The following IVNS1ABP variants were observed in gnomAD, a reference collection of about 807,000 sequenced individuals.
IVNS1ABP encodes influenza virus NS1A-binding protein.
IVNS1ABP carries 25 observed loss-of-function variants against 78.9 expected under a neutral mutation model. That is an observed-to-expected ratio of 0.32 (90% CI 0.23 to 0.44). The LOEUF (loss-of-function observed/expected upper bound fraction) is 0.44. Among genes scored for constraint, IVNS1ABP ranks in the 20% least tolerant of loss-of-function variants. The pLI is 1.00. For synonymous variants in IVNS1ABP, 241 were observed against 259.7 expected (o/e 0.93, Z 0.69); for missense variants, 494 against 768.9 (o/e 0.64, Z 4.23).
At position 185,309,505 on chromosome 1, in the gene IVNS1ABP, A is replaced by C. The variant is rs1477267250; in HGVS notation, c.-12T>G. The C allele has an allele frequency of 2.0e-6, 3 of 1,519,606 alleles. No homozygotes were observed. In the African/African-American group the frequency reaches 4.1e-5, roughly 21 times the overall value. 94.1% of individuals were successfully genotyped at this position (1,519,606 alleles called of 1,614,324 possible). On this transcript the variant is annotated 5_prime_UTR_variant, in exon 3 of 15. In the 5' UTR this introduces an upstream ATG that the reference lacks. Coordinates refer to ENST00000367498, the MANE Select transcript of IVNS1ABP (RefSeq NM_006469.5). ...CCATTGGGAATCATTTTTCCTTATA[A>C]ATTTGGCTAGATGATGAAAAGAAAG...
intron 1 of IVNS1ABP, among the ~76,000 whole-genome samples, chr1:185,316,082 C>G (rs1270132934): frequency 6.6e-6 from 1 of 152,210 alleles, no homozygotes; most frequent in African/African-American, 2.4e-5. Context: ...ACCTTCCTAT[C>G]ATCAAGAGCT....
At chr1:185,309,357 T>C (rs745791478) in intron 3 of IVNS1ABP, 26 bp downstream of exon 3, 17 of 1,462,010 alleles carry the variant, frequency 1.2e-5, no homozygotes, top group Non-Finnish European at 1.5e-5. Flanking sequence ...AAAAATTCTA[T>C]AAATTTTGAA....
rs746873447 is a variant in IVNS1ABP at position 185,308,006 on chromosome 1, G to GTAGA, written c.358-348_358-345dup. 3.7e-5 allele frequency: 58 copies of GTAGA among 1,549,712 alleles called. No individual in the cohort carries two copies. The African/African-American group carries it at 7.5e-4, about 20-fold the overall frequency. On this transcript the variant is annotated intron_variant, in intron 5 of 14. Coordinates refer to ENST00000367498, the MANE Select transcript of IVNS1ABP (RefSeq NM_006469.5). ...ATGTTGATGTTGAATGCAGACAGAA[G>GTAGA]TAGAGAAGATGCTGCAAACAATTTA...
At chr1:185,307,960 C>A (rs1190666511) in intron 5 of IVNS1ABP, 1 of 1,548,374 alleles carries the variant, frequency 6.5e-7, no homozygotes, top group Non-Finnish European at 8.7e-7. Flanking sequence ...AGTATCTGAA[C>A]TGGGCTCTAC....
intron 1 of IVNS1ABP, among the ~76,000 whole-genome samples, chr1:185,316,429 C>G (rs981986473): frequency 6.6e-6 from 1 of 152,212 alleles, no homozygotes; most frequent in African/African-American, 2.4e-5. Context: ...CCGTGCCACC[C>G]TACTCCAGGC....
At chr1:185,301,626 C>T (rs1665602719) in intron 8 of IVNS1ABP, 63 bp from the exon 9 acceptor site, 2 of 1,584,748 alleles carry the variant, frequency 1.3e-6, no homozygotes, top group South Asian at 2.2e-5. Context: ...TACCTTTGTT[C>T]CTGAGCTATT....
chr1:185,308,881 T>TA lies in IVNS1ABP; in HGVS notation c.282-7dup, dbSNP rs748447429. The TA allele has an allele frequency of 1.5e-4, 241 of 1,591,448 alleles. No homozygotes were observed. The African/African-American group carries it at 2.1e-3, about 14-fold the overall frequency. ...ATTCCTTATCTGCTTTCAACCTATTTAAAAAAAAAGTTACTTATGATACCA... is the reference window on the plus strand; with the variant it reads ...ATTCCTTATCTGCTTTCAACCTATTTAAAAAAAAAAGTTACTTATGATACCA... On this transcript the variant is annotated splice_polypyrimidine_tract_variant and splice_region_variant and intron_variant, in intron 4 of 14. Transcript: ENST00000367498.
intron 8 of IVNS1ABP, among the ~76,000 whole-genome samples, chr1:185,303,331 C>G (rs1405128546): frequency 6.6e-6 from 1 of 152,098 alleles, no homozygotes; most frequent in African/African-American, 2.4e-5. Context: ...TCCCAGAGAA[C>G]TTGACAGTGT....
Position 185,307,631 on chromosome 1 carries a change from T to G in IVNS1ABP, c.389A>C (p.Asp130Ala), listed in dbSNP as rs759746292. The change falls in exon 6 of 15, where the codon GAT becomes GCT. Residue 130 changes from aspartate to alanine, a missense_variant. Transcript: ENST00000367498. ...TCGGTAAGAGATGCAGCTGGTAACATCCATTCTAGACAGTAAATAATCACC... is the reference window on the plus strand; with the variant it reads ...TCGGTAAGAGATGCAGCTGGTAACAGCCATTCTAGACAGTAAATAATCACC... ...VCGDYLLSRM[D>A]VTSCISYRNF... 6.2e-7 allele frequency: 1 copy of G among 1,613,516 alleles called. No homozygotes were observed. The highest frequency in any genetic ancestry group is 8.5e-7 in the Non-Finnish European group (1 of 1,179,618).
chr1:185,309,633 T>C, intron 2 of IVNS1ABP, 122 bp from the exon 3 acceptor site: 3 of 608,304 alleles, frequency 4.9e-6, no homozygotes, highest in Admixed American at 3.3e-5. Context: ...CACATAAAAA[T>C]TTCATCACAC....
intron 1 of IVNS1ABP, among the ~76,000 whole-genome samples, chr1:185,315,212 G>C (rs1360656082): frequency 1.3e-5 from 2 of 152,170 alleles, no homozygotes; most frequent in African/African-American, 4.8e-5. Context: ...TATCAATTAA[G>C]ATACTTCCTT....
chr1:185,305,823 AC>A lies in IVNS1ABP; in HGVS notation c.658-181del. The A allele has an allele frequency of 4.5e-6, 3 of 673,176 alleles. No individual in the cohort carries two copies. The highest frequency in any genetic ancestry group is 6.9e-6 in the Non-Finnish European group (3 of 434,512). 41.7% of individuals were successfully genotyped at this position (673,176 alleles called of 1,614,324 possible). The stretch of plus-strand genomic sequence containing the variant: ...ATGTCATGGTGGTAAAAATTAAAAA[AC>A]AAAAACAAAAAACCAAAATCAAATA... On this transcript the variant is annotated intron_variant, in intron 7 of 14. Coordinates refer to ENST00000367498, the MANE Select transcript of IVNS1ABP (RefSeq NM_006469.5). The surrounding 1 kb of genome is among the most constrained non-coding windows in gnomAD (Gnocchi z 4.0).
chr1:185,300,093 A>T lies in IVNS1ABP; in HGVS notation c.1407T>A (p.Gly469=). 6.2e-7 allele frequency: 1 copy of T among 1,613,514 alleles called. No homozygotes were observed. The highest frequency in any genetic ancestry group is 1.1e-5 in the South Asian group (1 of 91,068). ...CALNGKLYIV[G]GSDPYGQKGL... ...CTTTTTGACCATATGGATCAGAGCC[A>T]CCAACGATGTATAACTTTCCATTCA... The change falls in exon 13 of 15, where the codon GGT becomes GGA. Residue 469 remains glycine, a synonymous_variant. Coordinates refer to ENST00000367498, the MANE Select transcript of IVNS1ABP (RefSeq NM_006469.5).
Position 185,309,050 on chromosome 1 carries a change from G to C in IVNS1ABP, c.234C>G (p.Leu78=). 1.2e-6 allele frequency: 2 copies of C among 1,613,032 alleles called. No individual in the cohort carries two copies. The highest frequency in any genetic ancestry group is 1.7e-6 in the Non-Finnish European group (2 of 1,179,508). The change falls in exon 4 of 15, where the codon CTC becomes CTG. Residue 78 remains leucine, a synonymous_variant. Transcript: ENST00000367498. Reference sequence around the variant, plus strand: ...ACAAGACTTCAACAGCTTCTGGATTGAGATCATCAAATTTAACGTGAGAAA... The same window carrying C: ...ACAAGACTTCAACAGCTTCTGGATTCAGATCATCAAATTTAACGTGAGAAA... ...HGISHVKFDD[L]NPEAVEVLLN... is the part of the protein sequence containing the mutation.
intron 2 of IVNS1ABP, among the ~76,000 whole-genome samples, chr1:185,310,317 A>G (rs1045625979): frequency 6.6e-6 from 1 of 152,194 alleles, no homozygotes; most frequent in Non-Finnish European, 1.5e-5. Context: ...TAATTAAAAA[A>G]CAGTGATAGG....
chr1:185,302,021 G>C (rs564941294), intron 8 of IVNS1ABP, among the ~76,000 whole-genome samples: 1 of 151,956 alleles, frequency 6.6e-6, no homozygotes, highest in Non-Finnish European at 1.5e-5. Context: ...CCAGCAAAAC[G>C]TAAGCAGATA....
At chr1:185,309,885 A>G (rs561136079) in intron 2 of IVNS1ABP, among the ~76,000 whole-genome samples, 1 of 152,210 alleles carries the variant, frequency 6.6e-6, no homozygotes, top group Non-Finnish European at 1.5e-5. Context: ...TAGCCAGTAC[A>G]TATAGGTTTC....
chr1:185,300,410 G>T (rs566086596), intron 11 of IVNS1ABP, 27 bp downstream of exon 11: 1 of 1,613,462 alleles, frequency 6.2e-7, no homozygotes, highest in East Asian at 2.2e-5. Flanking sequence ...CTAAATAGGG[G>T]TTGCTCCTGC....
Position 185,298,694 on chromosome 1 carries a change from C to A in IVNS1ABP, c.1676-406G>T. 1 of 193,982 alleles carries A rather than the reference C, an allele frequency of 5.2e-6. No individual in the cohort carries two copies. Among genetic ancestry groups the A allele is most frequent in the Non-Finnish European group, 1.1e-5 (1 of 93,500 alleles). 12.0% of individuals were successfully genotyped at this position (193,982 alleles called of 1,614,324 possible). ...TCTGTGCACTGGACTTTATATCAGC[C>A]CAATGTACAGAATTAAGACTCAGAA... On this transcript the variant is annotated intron_variant, in intron 14 of 14. Coordinates refer to ENST00000367498, the MANE Select transcript of IVNS1ABP (RefSeq NM_006469.5). This position sits in a 1 kb window ranked among gnomAD's most constrained non-coding sequence, Gnocchi z 4.1.
Sources: gnomAD v4.1 joint callset for allele counts (sites outside exome capture counted in the v4.1 genomes callset) on GRCh38, gnomAD v4.1.1 for gene constraint, Gnocchi (gnomAD v3.1) non-coding constraint, MANE v1.5 for transcripts, NCBI Gene and HGNC (gene_info 2026-07-23, HGNC 2026-07-21) for gene names.